ACACB: variants seen among roughly 807,000 people sequenced by gnomAD.
ACACB encodes the protein acetyl-CoA carboxylase beta.
In ACACB, 209 loss-of-function variants were observed where a neutral mutation model predicts 278.8. That is an observed-to-expected ratio of 0.75 (90% CI 0.67 to 0.84). ACACB has a LOEUF of 0.84. Ranked by LOEUF, ACACB falls within the 40% of genes least tolerant of loss-of-function variation. The pLI is 0.00. For synonymous variants in ACACB, 1,174 were observed against 1,285.6 expected (o/e 0.91, Z 1.86); for missense variants, 2,850 against 3,269.0 (o/e 0.87, Z 3.13).
intron 12 of ACACB, among the ~76,000 whole-genome samples, chr12:109,186,674 A>C (rs1387170467): frequency 2.0e-5 from 3 of 152,184 alleles, no homozygotes; most frequent in African/African-American, 7.2e-5. Flanking sequence ...ACTGGGGGTA[A>C]GAGAGGGTAC....
intron 48 of ACACB, 75 bp from the exon 49 acceptor site, chr12:109,262,282 T>TC: frequency 1.7e-6 from 2 of 1,176,738 alleles, no homozygotes; most frequent in Middle Eastern, 2.7e-4. Flanking sequence ...TCCCTCCAGC[T>TC]CCCCCCACAT....
At chr12:109,176,438 T>C (rs1400371013) in intron 9 of ACACB, among the ~76,000 whole-genome samples, 175 bp downstream of exon 9, 1 of 152,170 alleles carries the variant, frequency 6.6e-6, no homozygotes, top group African/African-American at 2.4e-5. Flanking sequence ...GAAAAGCCCA[T>C]GGTTTTGTGT....
chr12:109,235,545 G>T (rs1047847998), intron 32 of ACACB, 61 bp from the exon 33 acceptor site: 36 of 1,489,708 alleles, frequency 2.4e-5, no homozygotes, highest in Non-Finnish European at 2.9e-5. Context: ...AAATAAGGAT[G>T]TACATATTTC....
chr12:109,248,467 A>G (rs954975560), intron 40 of ACACB, among the ~76,000 whole-genome samples: 25 of 152,230 alleles, frequency 1.6e-4, no homozygotes, highest in Non-Finnish European at 5.9e-5. Flanking sequence ...GGAAGCCAAT[A>G]GTGCAGCCTT....
At chr12:109,264,653 G>C (rs917172038) in intron 50 of ACACB, among the ~76,000 whole-genome samples, 2 of 152,130 alleles carry the variant, frequency 1.3e-5, no homozygotes, top group African/African-American at 4.8e-5. Flanking sequence ...AAAGTTCAGG[G>C]ACCACTAGTC....
rs765956673 is a variant in ACACB, at chr12:109,216,635, G to A, written c.3368G>A (p.Arg1123His). 51 of 1,614,044 alleles carry A rather than the reference G, an allele frequency of 3.2e-5. No homozygotes were observed. Among genetic ancestry groups the A allele is most frequent in the Admixed American group, 1.5e-4 (9 of 59,992 alleles). Residue 1123 changes from arginine to histidine, a missense_variant, in exon 23 of 53, where the codon CGC (arginine) becomes CAC (histidine). Transcript: ENST00000338432. The part of the protein sequence containing the change: ...QLVQRYRSGI[R>H]GYMKTVVLDL... ...CTCCCCAGATACCGCAGCGGGATCCGCGGCTATATGAAAACAGTGGTGTTG... is the reference window on the plus strand; with the variant it reads ...CTCCCCAGATACCGCAGCGGGATCCACGGCTATATGAAAACAGTGGTGTTG...
At chr12:109,161,980 CTTT>C (rs373338646) in intron 2 of ACACB, among the ~76,000 whole-genome samples, 2 of 139,766 alleles carry the variant, frequency 1.4e-5, no homozygotes, top group South Asian at 2.3e-4. Context: ...ATGAAGTTCT[CTTT>C]TTTTTTTTTT....
At chr12:109,207,839 C>T (rs2045567023) in intron 20 of ACACB, among the ~76,000 whole-genome samples, 1 of 152,176 alleles carries the variant, frequency 6.6e-6, no homozygotes, top group South Asian at 2.1e-4. Flanking sequence ...CCACCATACC[C>T]AGCTAATTTT....
chr12:109,204,911 A>C (rs2045453532), intron 19 of ACACB, among the ~76,000 whole-genome samples: 3 of 151,958 alleles, frequency 2.0e-5, no homozygotes, highest in Admixed American at 2.0e-4. Context: ...CAGTGGCACA[A>C]TCTCAGCTCA....
chr12:109,191,607 T>G lies in ACACB; in HGVS notation c.2145-6T>G. On this transcript the variant is annotated splice_polypyrimidine_tract_variant and splice_region_variant and intron_variant, in intron 13 of 52. Transcript: ENST00000338432. ...GGAAAATGATCCATGTGCCTTTCCCTTCAAGGAACATGGTGGTGGCTTTGA... is the reference window on the plus strand; with the variant it reads ...GGAAAATGATCCATGTGCCTTTCCCGTCAAGGAACATGGTGGTGGCTTTGA... The G allele has an allele frequency of 6.2e-7, 1 of 1,614,042 alleles. No individual in the cohort carries two copies. The highest frequency in any genetic ancestry group is 8.5e-7 in the Non-Finnish European group (1 of 1,179,944).
intron 46 of ACACB, among the ~76,000 whole-genome samples, 153 bp from the exon 47 acceptor site, chr12:109,258,820 G>C (rs766339849): frequency 1.3e-5 from 2 of 152,184 alleles, no homozygotes; most frequent in Non-Finnish European, 2.9e-5. Context: ...GAGCGGAGGA[G>C]ATGGGGCTTC....
intron 13 of ACACB, among the ~76,000 whole-genome samples, chr12:109,191,210 C>G (rs2044864337): frequency 7.8e-6 from 1 of 128,982 alleles, no homozygotes; most frequent in South Asian, 2.5e-4. Flanking sequence ...CCTCTCTTAA[C>G]TCTTCTTTTT....
At chr12:109,167,655 T>TATATATATATATATATA (rs1438380921) in intron 3 of ACACB, among the ~76,000 whole-genome samples, 5 of 66,504 alleles carry the variant, frequency 7.5e-5, no homozygotes, top group Admixed American at 1.4e-4. Context: ...ATATATATAT[T>TATATATATATATATATA]TCAGACAAAC....
chr12:109,208,320 A>C (rs76644734), intron 20 of ACACB, among the ~76,000 whole-genome samples: 7,432 of 151,674 alleles, frequency 0.049, 227 homozygotes, highest in Middle Eastern at 0.075. Flanking sequence ...GGTTCAAGCA[A>C]TCATCCCACT....
At chr12:109,215,183 C>T (rs1238501136) in intron 22 of ACACB, among the ~76,000 whole-genome samples, 6 of 151,592 alleles carry the variant, frequency 4.0e-5, no homozygotes, top group Non-Finnish European at 7.4e-5. Flanking sequence ...TTAAAATGGT[C>T]TCTATACCTT....
intron 2 of ACACB, among the ~76,000 whole-genome samples, chr12:109,145,987 C>T (rs926343380): frequency 1.2e-4 from 18 of 151,930 alleles, no homozygotes; most frequent in South Asian, 2.1e-4. Flanking sequence ...CCAGCCTGGG[C>T]AACAGAGTGA....
chr12:109,251,039 T>C (rs996433421), intron 41 of ACACB, among the ~76,000 whole-genome samples: 4 of 152,180 alleles, frequency 2.6e-5, no homozygotes, highest in African/African-American at 4.8e-5. Flanking sequence ...ACTGAAGTTG[T>C]GTGCATGCTC....
At position 109,203,556 on chromosome 12, in the gene ACACB, TGCTC is replaced by T. The variant is rs112731852; in HGVS notation, c.2913+1859_2913+1862del. On this transcript the variant is annotated intron_variant, in intron 19 of 52. Coordinates refer to ENST00000338432, the MANE Select transcript of ACACB (RefSeq NM_001093.4). Reference sequence around the variant, plus strand: ...TGAGAACAGGGCCTTTTGGCTTTCTTGCTCGCTGCTGGGGCCCCAGTGCCAAAAA... The same window carrying T: ...TGAGAACAGGGCCTTTTGGCTTTCTTGCTGCTGGGGCCCCAGTGCCAAAAA... Among the ~76,000 whole-genome samples, 1,349 of 152,358 alleles carry T rather than the reference TGCTC, an allele frequency of 8.9e-3. 15 individuals are homozygous for T. Among genetic ancestry groups the T allele is most frequent in the African/African-American group, 0.03 (1,262 of 41,586 alleles).
In ACACB at chr12:109,266,508, C is replaced by T. The variant is rs962900214; in HGVS notation, c.*146C>T. 1 of 1,058,800 alleles carries T rather than the reference C, an allele frequency of 9.4e-7. No individual in the cohort carries two copies. Among genetic ancestry groups the T allele is most frequent in the Non-Finnish European group, 1.3e-6 (1 of 783,820 alleles). 65.6% of individuals were successfully genotyped at this position (1,058,800 alleles called of 1,614,324 possible). On this transcript the variant is annotated 3_prime_UTR_variant, in exon 53 of 53. Coordinates refer to ENST00000338432, the MANE Select transcript of ACACB (RefSeq NM_001093.4). The stretch of plus-strand genomic sequence containing the variant: ...TGCAGGGCTGCTGGTTCCGAGCTGA[C>T]ACCCGTCTTAACAAAAGGCCCAGGA...
Sources: allele counts gnomAD v4.1 joint callset (sites outside exome capture counted in the v4.1 genomes callset), GRCh38; gene constraint gnomAD v4.1.1; transcripts MANE v1.5; gene names NCBI Gene and HGNC (gene_info 2026-07-23, HGNC 2026-07-21).